The following NRSN1 variants were observed in gnomAD, a reference collection of about 807,000 sequenced individuals.
NRSN1 encodes the protein neurensin-1.
In NRSN1, 14 loss-of-function variants were observed where a neutral mutation model predicts 17.3. The observed-to-expected ratio is 0.81, with a 90% confidence interval of 0.54 to 1.27. NRSN1 has a LOEUF of 1.27. Ranked by LOEUF, NRSN1 falls within the 50% of genes most tolerant of loss-of-function variation. The probability of loss-of-function intolerance (pLI) is 0.00; values close to 1 mark genes in which losing one functional copy is unlikely to be tolerated. For synonymous variants in NRSN1, 79 were observed against 94.2 expected, an observed-to-expected ratio of 0.84 and a Z score of 0.93; for missense variants, 209 against 235.9, an observed-to-expected ratio of 0.89 and a Z score of 0.75.
rs530982824 is a variant in NRSN1, at chr6:24,146,013, C to T, written c.*67C>T. On this transcript the variant is annotated 3_prime_UTR_variant, in exon 4 of 4. Coordinates refer to ENST00000378491, the MANE Select transcript of NRSN1 (RefSeq NM_080723.5). ...TGGTTAAAAAGAGCAGGCCAGTTTT[C>T]GAGATAAAGAAGATTTGGCGTTGAC... is the stretch of plus-strand genomic sequence containing the variant. 1.2e-4 allele frequency: 187 copies of T among 1,504,248 alleles called. No individual in the cohort carries two copies. In the South Asian group the frequency reaches 1.9e-3, roughly 15 times the overall value. 93.2% of individuals were successfully genotyped at this position (1,504,248 alleles called of 1,614,324 possible).
chr6:24,142,476 G>A (rs1001640456), intron 3 of NRSN1, among the ~76,000 whole-genome samples: 3 of 151,212 alleles, frequency 2.0e-5, no homozygotes, highest in Non-Finnish European at 2.9e-5. Context: ...TTTTTTTCCC[G>A]AGACAGAGTC....
At chr6:24,140,456 T>C (rs1760186799) in intron 3 of NRSN1, among the ~76,000 whole-genome samples, 1 of 152,188 alleles carries the variant, frequency 6.6e-6, no homozygotes, top group Admixed American at 6.5e-5. Context: ...AAGCTCAGTG[T>C]CAAGCTGAGG....
At position 24,134,519 on chromosome 6, in the gene NRSN1, A is replaced by G; in HGVS notation, c.189+3A>G. The G allele has an allele frequency of 1.9e-6, 3 of 1,613,128 alleles. No homozygotes were observed. Among genetic ancestry groups the G allele is most frequent in the Non-Finnish European group, 1.7e-6 (2 of 1,179,274 alleles). On this transcript the variant is annotated splice_donor_region_variant and intron_variant, in intron 3 of 3. Transcript: ENST00000378491. ...GGTGGAGCTCAGTATTCTGGAAGGT[A>G]AGGAAGGAGCATGTGTTTAACTTAG... is the stretch of plus-strand genomic sequence containing the variant.
At chr6:24,136,870 G>A (rs186532314) in intron 3 of NRSN1, among the ~76,000 whole-genome samples, 186 of 152,264 alleles carry the variant, frequency 1.2e-3, no homozygotes, top group African/African-American at 4.0e-3. Flanking sequence ...CAACCTGACT[G>A]ACCTAGGAAT....
intron 2 of NRSN1, among the ~76,000 whole-genome samples, chr6:24,129,920 G>T (rs1474153635): frequency 6.6e-6 from 1 of 152,188 alleles, no homozygotes; most frequent in Non-Finnish European, 1.5e-5. Flanking sequence ...TCATGGCCAT[G>T]CTGGCAGGGA....
chr6:24,136,733 C>A (rs1760123755), intron 3 of NRSN1, among the ~76,000 whole-genome samples: 1 of 152,066 alleles, frequency 6.6e-6, no homozygotes, highest in South Asian at 2.1e-4. Flanking sequence ...AATTACCAAC[C>A]CCAGAATTCA....
Position 24,145,528 on chromosome 6 carries a change from C to T in NRSN1, c.190-20C>T, listed in dbSNP as rs752548718. 1 of 1,550,328 alleles carries T rather than the reference C, an allele frequency of 6.5e-7. No individual in the cohort carries two copies. The highest frequency in any genetic ancestry group is 1.2e-5 in the South Asian group (1 of 80,188). ...GCACCTTCCTCACTCTATCTTGCTT[C>T]TGTCATTATCTACCTGTAGGTTGGA... On this transcript the variant is annotated intron_variant, in intron 3 of 3. Coordinates refer to ENST00000378491, the MANE Select transcript of NRSN1 (RefSeq NM_080723.5). This position sits in a 1 kb window ranked among gnomAD's most constrained non-coding sequence, Gnocchi z 4.4.
chr6:24,141,068 C>T (rs905124768), intron 3 of NRSN1: 1 of 1,442,948 alleles, frequency 6.9e-7, no homozygotes, highest in Non-Finnish European at 9.1e-7. Flanking sequence ...GCCTTACCAC[C>T]CTAAGGCCCC....
rs1246776513 is a variant in NRSN1 at position 24,147,094 on chromosome 6, T to C, written c.*1148T>C. 3 of 152,188 alleles carry C rather than the reference T, an allele frequency of 2.0e-5. No individual in the cohort carries two copies. Among genetic ancestry groups the C allele is most frequent in the African/African-American group, 7.2e-5 (3 of 41,440 alleles). 9.4% of individuals were successfully genotyped at this position (152,188 alleles called of 1,614,324 possible). The stretch of plus-strand genomic sequence containing the variant: ...CACTGAGTCAGCAGCCTTCACACCA[T>C]CTACCCTTAAATATCCAACCCCAGC... On this transcript the variant is annotated 3_prime_UTR_variant, in exon 4 of 4. Transcript: ENST00000378491.
intron 3 of NRSN1, among the ~76,000 whole-genome samples, chr6:24,135,397 G>GGT (rs1760102123): frequency 6.6e-6 from 1 of 152,190 alleles, no homozygotes; most frequent in South Asian, 2.1e-4. Flanking sequence ...GAACAAGTTT[G>GGT]GTGTGTTTGA....
At chr6:24,126,876 T>C (rs981470334) in intron 1 of NRSN1, among the ~76,000 whole-genome samples, 5 of 152,312 alleles carry the variant, frequency 3.3e-5, no homozygotes, top group South Asian at 4.1e-4. Flanking sequence ...AGACAGAGTC[T>C]GGAGGCCTCA....
rs1319887731 is a variant in NRSN1, at chr6:24,146,110, G to T, written c.*164G>T. ...ACACTTGCTCAGTTCAGGCAGCTCT[G>T]CTGGAGGGCGGTGCCATGCCTAAGC... On this transcript the variant is annotated 3_prime_UTR_variant, in exon 4 of 4. Coordinates refer to ENST00000378491, the MANE Select transcript of NRSN1 (RefSeq NM_080723.5). 4 of 782,212 alleles carry T rather than the reference G, an allele frequency of 5.1e-6. No homozygotes were observed. In the Admixed American group the frequency reaches 7.9e-5, roughly 15 times the overall value. 48.5% of individuals were successfully genotyped at this position (782,212 alleles called of 1,614,324 possible). A position where few individuals can be genotyped will look rare whatever the true frequency, so the allele number is the denominator to read the frequency against.
intron 3 of NRSN1, among the ~76,000 whole-genome samples, chr6:24,137,421 T>C (rs1760133211): frequency 6.6e-6 from 1 of 152,082 alleles, no homozygotes; most frequent in Non-Finnish European, 1.5e-5. Context: ...ATTCTTCAAA[T>C]ATGAAGAAGA....
Position 24,143,270 on chromosome 6 carries a change from T to A in NRSN1, c.190-2278T>A, listed in dbSNP as rs572579219. Among the ~76,000 whole-genome samples, 8 of 152,298 alleles carry A rather than the reference T, an allele frequency of 5.3e-5. No individual in the cohort carries two copies. In the East Asian group the frequency reaches 1.5e-3, roughly 29 times the overall value. On this transcript the variant is annotated intron_variant, in intron 3 of 3. Coordinates refer to ENST00000378491, the MANE Select transcript of NRSN1 (RefSeq NM_080723.5). ...CCTTGGCCTCCCAAAGTGCTAAGAT[T>A]ACAGGCATGAGCCACCATGCCCGGC...
chr6:24,145,832 C>T lies in NRSN1; in HGVS notation c.474C>T (p.Ile158=), dbSNP rs779334465. The T allele has an allele frequency of 9.3e-6, 15 of 1,614,040 alleles. No homozygotes were observed. The highest frequency in any genetic ancestry group is 6.7e-5 in the African/African-American group (5 of 74,922). The change falls in exon 4 of 4, where the codon ATC becomes ATT. Residue 158 remains isoleucine, a synonymous_variant. Coordinates refer to ENST00000378491, the MANE Select transcript of NRSN1 (RefSeq NM_080723.5). The surrounding 1 kb of genome is among the most constrained non-coding windows in gnomAD (Gnocchi z 4.4). ...KFLQQKFKER[I]ADIKAHTQPV... ...TCCAGCAGAAGTTTAAAGAACGAAT[C>T]GCAGACATCAAAGCCCACACCCAGC... is the stretch of plus-strand genomic sequence containing the variant.
At chr6:24,131,597 T>A (rs181082758) in intron 2 of NRSN1, among the ~76,000 whole-genome samples, 1 of 152,180 alleles carries the variant, frequency 6.6e-6, no homozygotes, top group African/African-American at 2.4e-5. Flanking sequence ...CTTTAGTAGA[T>A]GATTTTTCTA....
intron 3 of NRSN1, among the ~76,000 whole-genome samples, chr6:24,138,169 A>AAC (rs148435866): frequency 2.6e-5 from 4 of 151,940 alleles, no homozygotes; most frequent in South Asian, 4.2e-4. Context: ...ATCAGGTATA[A>AAC]ACACACACAC....
intron 3 of NRSN1, among the ~76,000 whole-genome samples, chr6:24,143,449 T>C (rs1760254098): frequency 6.6e-6 from 1 of 152,246 alleles, no homozygotes; most frequent in South Asian, 2.1e-4. Flanking sequence ...ATACCAGTTA[T>C]ACTTTTCCCA....
At position 24,146,136 on chromosome 6, in the gene NRSN1, C is replaced by T; in HGVS notation, c.*190C>T. The T allele has an allele frequency of 1.4e-6, 1 of 725,552 alleles. No homozygotes were observed. The highest frequency in any genetic ancestry group is 2.3e-4 in the Middle Eastern group (1 of 4,366). The allele number at this position is 725,552 out of a possible 1,614,324, so 44.9% of individuals were successfully genotyped here. The stretch of plus-strand genomic sequence containing the variant: ...CTGGAGGGCGGTGCCATGCCTAAGC[C>T]TGTGCACATGCATCCAGCTGCTTAA... On this transcript the variant is annotated 3_prime_UTR_variant, in exon 4 of 4. Transcript: ENST00000378491.
Sources: gnomAD v4.1 joint callset for allele counts (sites outside exome capture counted in the v4.1 genomes callset) on GRCh38, gnomAD v4.1.1 for gene constraint, Gnocchi (gnomAD v3.1) non-coding constraint, MANE v1.5 for transcripts, NCBI Gene and HGNC (gene_info 2026-07-23, HGNC 2026-07-21) for gene names.